Variants in SPRR2G observed in about 807,000 individuals in gnomAD.
The protein encoded by SPRR2G is small proline rich protein 2G, also known as small proline-rich protein 2G.
A neutral mutation model predicts 0.7 loss-of-function variants in SPRR2G; 1 was observed. The ratio of observed to expected loss-of-function variants is 1.49; its 90% CI spans 0.53 to 7.06. The LOEUF (loss-of-function observed/expected upper bound fraction) is 7.06, where lower values mean the gene tolerates loss of function less well. Among genes scored for constraint, SPRR2G ranks in the 30% most tolerant of loss-of-function variants. The pLI, the probability that SPRR2G is intolerant of heterozygous loss-of-function variation, is 0.14. For synonymous variants in SPRR2G, 38 were observed against 33.9 expected, an observed-to-expected ratio of 1.12 and a Z score of -0.42; for missense variants, 96 against 88.5, an observed-to-expected ratio of 1.09 and a Z score of -0.34.
At chr1:153,200,819 C>A in the SPRR2G span, among the ~76,000 whole-genome samples, 1 of 152,026 alleles carries the variant, frequency 6.6e-6, no homozygotes, top group Non-Finnish European at 1.5e-5. Context: ...TCTGCCTCAG[C>A]CTCCCGAGTA....
the SPRR2G span, chr1:153,176,605 G>A: frequency 6.6e-6 from 1 of 152,118 alleles, no homozygotes; most frequent in East Asian, 1.9e-4. Context: ...CCCTTACCTG[G>A]AAGAAGAGCC....
At chr1:153,177,814 T>C in the SPRR2G span, among the ~76,000 whole-genome samples, 4 of 152,134 alleles carry the variant, frequency 2.6e-5, no homozygotes, top group Non-Finnish European at 5.9e-5. Flanking sequence ...GTTTAAACTT[T>C]TCTAGATTCT....
At chr1:153,168,180 G>C in the SPRR2G span, among the ~76,000 whole-genome samples, 8 of 152,248 alleles carry the variant, frequency 5.3e-5, no homozygotes, top group East Asian at 9.6e-4. Context: ...AACTGTTGAA[G>C]CACCATCAGT....
At chr1:153,150,280 T>C in intron 1 of SPRR2G, 149 bp from the exon 2 acceptor site, 2 of 1,181,984 alleles carry the variant, frequency 1.7e-6, no homozygotes, top group South Asian at 3.2e-5. Flanking sequence ...CACACTTCAC[T>C]TTTAGGACCT....
upstream of SPRR2G, among the ~76,000 whole-genome samples, chr1:153,151,944 GA>G (rs1218890772): frequency 6.6e-6 from 1 of 152,050 alleles, no homozygotes; most frequent in Non-Finnish European, 1.5e-5. Flanking sequence ...TCCCAACTTG[GA>G]AAAAACTTGA....
chr1:153,183,225 T>G, the SPRR2G span, among the ~76,000 whole-genome samples: 1 of 138,046 alleles, frequency 7.2e-6, no homozygotes, highest in Non-Finnish European at 1.6e-5. Context: ...GTAGCTGGGA[T>G]TACAGGCATG....
the SPRR2G span, among the ~76,000 whole-genome samples, chr1:153,158,257 T>G: frequency 6.6e-6 from 1 of 152,154 alleles, no homozygotes; most frequent in African/African-American, 2.4e-5. Flanking sequence ...AAAAACAAGT[T>G]AGTTGCTTCC....
the SPRR2G span, among the ~76,000 whole-genome samples, chr1:153,180,980 T>C: frequency 3.3e-5 from 5 of 152,124 alleles, no homozygotes; most frequent in Admixed American, 6.5e-5. Flanking sequence ...GTTTTTTTGT[T>C]GATCTGTGAG....
At chr1:153,178,779 G>A in the SPRR2G span, among the ~76,000 whole-genome samples, 1 of 151,968 alleles carries the variant, frequency 6.6e-6, no homozygotes, top group East Asian at 1.9e-4. Context: ...TCAGGGCTAC[G>A]TTAACCTGAA....
At chr1:153,162,593 C>T in the SPRR2G span, among the ~76,000 whole-genome samples, 1 of 151,078 alleles carries the variant, frequency 6.6e-6, no homozygotes, top group Non-Finnish European at 1.5e-5. Context: ...GGTGCAGGCC[C>T]AAGACCCTGG....
At chr1:153,187,110 C>G in the SPRR2G span, among the ~76,000 whole-genome samples, 2 of 152,118 alleles carry the variant, frequency 1.3e-5, no homozygotes, top group South Asian at 4.1e-4. Context: ...CCTGACCTTT[C>G]TCTCTGTCTG....
At chr1:153,161,378 G>A in the SPRR2G span, among the ~76,000 whole-genome samples, 1 of 104,226 alleles carries the variant, frequency 9.6e-6, no homozygotes, top group African/African-American at 2.9e-5. Context: ...CTTCATTGGA[G>A]AAATGTCTAT....
chr1:153,190,065 C>A, the SPRR2G span: 1 of 152,258 alleles, frequency 6.6e-6, no homozygotes, highest in Admixed American at 6.5e-5. Context: ...AAAGTACTTT[C>A]TTCTTTCTCT....
the SPRR2G span, among the ~76,000 whole-genome samples, chr1:153,182,903 A>G: frequency 1.3e-5 from 2 of 152,220 alleles, no homozygotes; most frequent in East Asian, 1.9e-4. Flanking sequence ...GTATACCAGT[A>G]ATGGGATTGC....
At chr1:153,159,899 C>T in the SPRR2G span, among the ~76,000 whole-genome samples, 2 of 152,312 alleles carry the variant, frequency 1.3e-5, no homozygotes, top group Admixed American at 1.3e-4. Context: ...AGGTCCCTCC[C>T]TTGAAATGTG....
chr1:153,188,625 C>G, the SPRR2G span, among the ~76,000 whole-genome samples: 1 of 152,154 alleles, frequency 6.6e-6, no homozygotes, highest in African/African-American at 2.4e-5. Flanking sequence ...CTCCATGGGA[C>G]CCGCTGATCA....
chr1:153,202,741 A>G, the SPRR2G span, among the ~76,000 whole-genome samples: 1 of 152,200 alleles, frequency 6.6e-6, no homozygotes, highest in Non-Finnish European at 1.5e-5. Context: ...ATCATGTCAC[A>G]ATTTTAATCA....
the SPRR2G span, among the ~76,000 whole-genome samples, chr1:153,181,982 T>G: frequency 0.031 from 4,778 of 152,256 alleles, 227 homozygotes; most frequent in African/African-American, 0.11. Flanking sequence ...TTTTTAGTTA[T>G]TTCAGAAATC....
chr1:153,192,414 C>A, the SPRR2G span, among the ~76,000 whole-genome samples: 2 of 152,082 alleles, frequency 1.3e-5, no homozygotes, highest in African/African-American at 4.8e-5. Flanking sequence ...TCCATGGAGG[C>A]AAAACCACAT....
Sources: allele counts gnomAD v4.1 joint callset (sites outside exome capture counted in the v4.1 genomes callset), GRCh38; gene constraint gnomAD v4.1.1; transcripts MANE v1.5; gene names NCBI Gene and HGNC (gene_info 2026-07-23, HGNC 2026-07-21).